Variants in CDH3 observed in about 807,000 individuals in gnomAD.
CDH3 encodes cadherin-3.
In CDH3, 54 loss-of-function variants were observed where a neutral mutation model predicts 82.0. The observed-to-expected ratio is 0.66, with a 90% CI of 0.53 to 0.83. The LOEUF is 0.83. Ranked by LOEUF, CDH3 falls within the 40% of genes least tolerant of loss-of-function variation. The pLI is 0.00. For synonymous variants in CDH3, 446 were observed against 437.9 expected, an observed-to-expected ratio of 1.02 and a Z score of -0.23; for missense variants, 1,054 against 1,084.6, an observed-to-expected ratio of 0.97 and a Z score of 0.40.
At chr16:68,686,294 T>C in intron 11 of CDH3, 1 of 725,100 alleles carries the variant, frequency 1.4e-6, no homozygotes, top group East Asian at 2.6e-5. Context: ...CAGGCGGTCT[T>C]TTCACGTGTC....
chr16:68,660,639 C>G (rs1212956847), intron 2 of CDH3, among the ~76,000 whole-genome samples: 1 of 152,080 alleles, frequency 6.6e-6, no homozygotes, highest in Non-Finnish European at 1.5e-5. Context: ...AGGGTGGTTG[C>G]ATTTATATAA....
intron 9 of CDH3, among the ~76,000 whole-genome samples, chr16:68,683,084 C>T (rs1367503847): frequency 6.6e-6 from 1 of 151,602 alleles, no homozygotes; most frequent in African/African-American, 2.4e-5. Flanking sequence ...CCCATCAGCA[C>T]TAAAAAAGAA....
intron 2 of CDH3, among the ~76,000 whole-genome samples, chr16:68,655,953 C>T (rs143054037): frequency 2.5e-3 from 375 of 152,238 alleles, no homozygotes; most frequent in Middle Eastern, 6.8e-3. Context: ...GGAGAAACCT[C>T]GAGGAACTGA....
intron 1 of CDH3, among the ~76,000 whole-genome samples, chr16:68,710,896 AAAG>A (rs1259175252): frequency 8.3e-5 from 12 of 145,132 alleles, no homozygotes; most frequent in African/African-American, 3.0e-4. Flanking sequence ...AGAAAGAAGA[AAAG>A]AAGAAAGGAA....
chr16:68,646,644 T>C (rs997927172), intron 2 of CDH3, among the ~76,000 whole-genome samples: 1 of 142,154 alleles, frequency 7.0e-6, no homozygotes, highest in Admixed American at 7.3e-5. Context: ...AAGAGGACAA[T>C]GGATGGGGGC....
chr16:68,704,779 G>A (rs1567461440), downstream of CDH3, among the ~76,000 whole-genome samples: 1 of 152,242 alleles, frequency 6.6e-6, no homozygotes, highest in African/African-American at 2.4e-5. Context: ...TTGCAGCCAG[G>A]CGTGATGGCT....
At position 68,676,470 on chromosome 16, in the gene CDH3, G is replaced by A; in HGVS notation, c.246G>A (p.Gln82=). The change falls in exon 3 of 16, where the codon CAG becomes CAA. Residue 82 remains glutamine, a splice_region_variant and synonymous_variant. Coordinates refer to ENST00000264012, the MANE Select transcript of CDH3 (RefSeq NM_001793.6). ...CTGTGCGGAATGGCGAGACAGTCCAGGTAAAATACCATGTCCACCTGCAGG... is the reference window on the plus strand; with the variant it reads ...CTGTGCGGAATGGCGAGACAGTCCAAGTAAAATACCATGTCCACCTGCAGG... ...DFTVRNGETV[Q]ERRSLKERNP... 1 of 1,608,284 alleles carries A rather than the reference G, an allele frequency of 6.2e-7. No homozygotes were observed. The highest frequency in any genetic ancestry group is 8.5e-7 in the Non-Finnish European group (1 of 1,174,632).
intron 2 of CDH3, among the ~76,000 whole-genome samples, chr16:68,675,563 G>C (rs923244863): frequency 2.0e-5 from 3 of 152,182 alleles, no homozygotes; most frequent in African/African-American, 7.2e-5. Flanking sequence ...TTGGGAGACC[G>C]AGGCGGGTGG....
At chr16:68,674,654 G>A (rs1339336674) in intron 2 of CDH3, among the ~76,000 whole-genome samples, 2 of 152,132 alleles carry the variant, frequency 1.3e-5, no homozygotes, top group East Asian at 3.9e-4. Context: ...AGAACCCCTT[G>A]AGCCTGGGAG....
Position 68,682,408 on chromosome 16 carries a change from T to C in CDH3, c.1103T>C (p.Ile368Thr), listed in dbSNP as rs367824925. 3.1e-6 allele frequency: 5 copies of C among 1,613,908 alleles called. No individual in the cohort carries two copies. Among genetic ancestry groups the C allele is most frequent in the Non-Finnish European group, 4.2e-6 (5 of 1,180,014 alleles). Residue 368 changes from isoleucine (I) to threonine (T), a missense_variant, in exon 9 of 16, where the codon ATC (isoleucine) becomes ACC (threonine). Transcript: ENST00000264012. ...NSPAWRATYL[I>T]MGGDDGDHFT... ...CCAGCGTGGCGTGCCACCTACCTTA[T>C]CATGGGCGGTGACGACGGGGACCAT...
intron 4 of CDH3, 92 bp downstream of exon 4, chr16:68,678,369 G>A: frequency 6.3e-7 from 1 of 1,587,432 alleles, no homozygotes; most frequent in Non-Finnish European, 8.6e-7. Flanking sequence ...GAATGTGGGG[G>A]CTGAGACAGA....
chr16:68,678,163 A>G lies in CDH3; in HGVS notation c.276A>G (p.Pro92=). 3 of 1,614,040 alleles carry G rather than the reference A, an allele frequency of 1.9e-6. No homozygotes were observed. The highest frequency in any genetic ancestry group is 1.7e-5 in the Admixed American group (1 of 60,024). ...GAAGGTCACTGAAGGAAAGGAATCC[A>G]TTGAAGATCTTCCCATCCAAACGTA... ...QERRSLKERN[P]LKIFPSKRIL... is the part of the protein sequence containing the mutation. The change falls in exon 4 of 16, where the codon CCA becomes CCG. Residue 92 remains proline, a synonymous_variant. Coordinates refer to ENST00000264012, the MANE Select transcript of CDH3 (RefSeq NM_001793.6).
chr16:68,730,555 T>C (rs1342021450), downstream of CDH3, among the ~76,000 whole-genome samples: 2 of 151,924 alleles, frequency 1.3e-5, no homozygotes, highest in African/African-American at 4.8e-5. Context: ...CAAAAAAAAT[T>C]GTTTAAAAGA....
At chr16:68,646,049 C>G (rs1050853954) in intron 2 of CDH3, 1 of 452,768 alleles carries the variant, frequency 2.2e-6, no homozygotes, top group African/African-American at 2.0e-5. Flanking sequence ...AAGTTCTCCC[C>G]CGCTGGCCCC....
At chr16:68,692,242 G>A (rs1398428167) in intron 13 of CDH3, among the ~76,000 whole-genome samples, 1 of 152,098 alleles carries the variant, frequency 6.6e-6, no homozygotes, top group African/African-American at 2.4e-5. Context: ...TCACTATGTT[G>A]CCCAGGCTGG....
chr16:68,696,001 C>T, intron 15 of CDH3, 78 bp downstream of exon 15: 1 of 1,505,894 alleles, frequency 6.6e-7, no homozygotes, highest in Non-Finnish European at 9.1e-7. Flanking sequence ...AAGCATGGGC[C>T]TGGAGTCTTG....
At chr16:68,711,315 G>C (rs1056487930) in intron 1 of CDH3, among the ~76,000 whole-genome samples, 10 of 151,892 alleles carry the variant, frequency 6.6e-5, no homozygotes, top group African/African-American at 2.2e-4. Context: ...AGCAGAGAGA[G>C]AGAGAGGGAG....
intron 2 of CDH3, among the ~76,000 whole-genome samples, chr16:68,673,255 G>A (rs1960936203): frequency 6.6e-6 from 1 of 152,080 alleles, no homozygotes; most frequent in Non-Finnish European, 1.5e-5. Flanking sequence ...TCAGACTTTT[G>A]TTTGTGTGTG....
At chr16:68,704,902 A>AT (rs1004419349), downstream of CDH3, among the ~76,000 whole-genome samples, 11 of 151,944 alleles carry the variant, frequency 7.2e-5, 1 homozygote, top group East Asian at 1.2e-3. Context: ...TTAAAAAACA[A>AT]TTTTTTTTGA....
Sources: gnomAD v4.1 joint callset for allele counts (sites outside exome capture counted in the v4.1 genomes callset) on GRCh38, gnomAD v4.1.1 for gene constraint, MANE v1.5 for transcripts, NCBI Gene and HGNC (gene_info 2026-07-23, HGNC 2026-07-21) for gene names.